GOSR1: variants seen among roughly 807,000 people sequenced by gnomAD.
GOSR1 encodes the protein 28 kDa Golgi SNARE protein.
In GOSR1, 21 loss-of-function variants were observed where a neutral mutation model predicts 35.5. That is an observed-to-expected ratio of 0.59 (90% CI 0.42 to 0.85). The LOEUF is 0.85. GOSR1 is among the 40% of genes least tolerant of loss of function. The pLI is 0.00. For missense variants in GOSR1, 285 were observed against 309.6 expected (o/e 0.92, Z 0.60); for synonymous variants, 94 against 106.6 (o/e 0.88, Z 0.73).
rs747623876 is a variant in GOSR1, at chr17:30,492,706, C to T, written c.462C>T (p.Asn154=). 6.2e-7 allele frequency: 1 copy of T among 1,602,900 alleles called. No individual in the cohort carries two copies. The highest frequency in any genetic ancestry group is 8.5e-7 in the Non-Finnish European group (1 of 1,170,546). ...IESYKSGSGV[N]NRRTELFLKE... ...CATATAAAAGTGGGTCTGGAGTAAACAACAGAAGAACTGAGCTATTTTTGA... is the reference window on the plus strand; with the variant it reads ...CATATAAAAGTGGGTCTGGAGTAAATAACAGAAGAACTGAGCTATTTTTGA... Residue 154 remains asparagine, a synonymous_variant, in exon 6 of 9, where the codon AAC becomes AAT. Transcript: ENST00000451249.
rs180793478 is a variant in GOSR1, at chr17:30,497,600, C to T, written c.509+4847C>T. On this transcript the variant is annotated intron_variant, in intron 6 of 8. Transcript: ENST00000451249. ...ATGGAGTAGACGAATTCTAAAATTA[C>T]ATTGAGCCATTTTGCCTATAGTGGT... is the stretch of plus-strand genomic sequence containing the variant. 2.6e-5 allele frequency among the ~76,000 whole-genome samples: 4 copies of T among 152,308 alleles called. No homozygotes were observed. In the East Asian group the frequency reaches 7.7e-4, roughly 29 times the overall value.
chr17:30,497,335 A>G (rs1280918826), intron 6 of GOSR1, among the ~76,000 whole-genome samples: 1 of 152,172 alleles, frequency 6.6e-6, no homozygotes, highest in Non-Finnish European at 1.5e-5. Flanking sequence ...TCTGACTAAG[A>G]TACCTTAAGT....
chr17:30,500,798 C>T lies in GOSR1; in HGVS notation c.509+8045C>T, dbSNP rs372384136. 4.9e-4 allele frequency among the ~76,000 whole-genome samples: 75 copies of T among 152,190 alleles called. 1 individual carries two copies. Among genetic ancestry groups the T allele is most frequent in the African/African-American group, 1.6e-3 (67 of 41,526 alleles). On this transcript the variant is annotated intron_variant, in intron 6 of 8. Coordinates refer to ENST00000451249, the MANE Select transcript of GOSR1 (RefSeq NM_001007025.2). The stretch of plus-strand genomic sequence containing the variant: ...ATAAGATTATATTGAATCTAGAGAT[C>T]CATTTGGAGAGAATTGACATCTTAA...
At chr17:30,519,644 GA>G (rs765016065) in intron 7 of GOSR1, 10 of 227,706 alleles carry the variant, frequency 4.4e-5, no homozygotes, top group Non-Finnish European at 8.4e-5. Flanking sequence ...TAAATTTTAA[GA>G]AGCTTTTGTA....
intron 7 of GOSR1, among the ~76,000 whole-genome samples, chr17:30,511,850 G>C (rs1461618087): frequency 6.6e-6 from 1 of 152,010 alleles, no homozygotes; most frequent in African/African-American, 2.4e-5. Context: ...TTCTTACCAT[G>C]GATATTGGAC....
At chr17:30,501,169 C>T (rs967851557) in intron 6 of GOSR1, among the ~76,000 whole-genome samples, 4 of 152,020 alleles carry the variant, frequency 2.6e-5, no homozygotes, top group South Asian at 2.1e-4. Context: ...CGTGAGCCAC[C>T]GCGCCCGGCC....
intron 1 of GOSR1, chr17:30,478,623 C>T (rs547858102): frequency 1.4e-5 from 2 of 140,984 alleles, no homozygotes; most frequent in Non-Finnish European, 3.0e-5. Context: ...CGCTATCGAT[C>T]TCGGCTCACT....
At position 30,523,612 on chromosome 17, in the gene GOSR1, C is replaced by A. The variant is rs1434340052; in HGVS notation, c.*1234C>A. The A allele has an allele frequency of 6.3e-6, 1 of 158,464 alleles. No homozygotes were observed. Among genetic ancestry groups the A allele is most frequent in the Non-Finnish European group, 1.4e-5 (1 of 73,340 alleles). The allele number at this position is 158,464 out of a possible 1,614,324, so 9.8% of individuals were successfully genotyped here. On this transcript the variant is annotated 3_prime_UTR_variant, in exon 9 of 9. Coordinates refer to ENST00000451249, the MANE Select transcript of GOSR1 (RefSeq NM_001007025.2). ...CCCCCGCCCGGCCAGCCGCCCCGTC[C>A]GGGAGGGAGGTGGGGGGCGCCTCTG...
intron 7 of GOSR1, among the ~76,000 whole-genome samples, chr17:30,518,994 A>C (rs1169488564): frequency 6.6e-6 from 1 of 151,630 alleles, no homozygotes; most frequent in African/African-American, 2.4e-5. Context: ...GATCTTTTAA[A>C]CAGGACATCA....
chr17:30,493,438 T>C (rs1400819974), intron 6 of GOSR1, among the ~76,000 whole-genome samples: 7 of 152,228 alleles, frequency 4.6e-5, no homozygotes, highest in African/African-American at 4.8e-5. Context: ...CACAAGCTTC[T>C]AAATACTTCT....
chr17:30,481,237 C>G lies in GOSR1; in HGVS notation c.126C>G (p.Thr42=). The G allele has an allele frequency of 6.2e-7, 1 of 1,607,410 alleles. No individual in the cohort carries two copies. The highest frequency in any genetic ancestry group is 1.1e-5 in the South Asian group (1 of 90,934). Residue 42 remains threonine (T), a synonymous_variant, in exon 2 of 9, where the codon ACC becomes ACG. Coordinates refer to ENST00000451249, the MANE Select transcript of GOSR1 (RefSeq NM_001007025.2). ...KLCTSYSHSS[T]RDGRRDSSDT... ...GTACAAGTTACAGTCATAGCAGTAC[C>G]CGAGATGGAAGACGCGACAGGTATA... is the stretch of plus-strand genomic sequence containing the variant.
chr17:30,514,948 T>C (rs572065000), intron 7 of GOSR1, among the ~76,000 whole-genome samples: 127 of 152,372 alleles, frequency 8.3e-4, no homozygotes, highest in Non-Finnish European at 1.6e-3. Context: ...TAGTAATCTT[T>C]TATCTCTCTG....
At chr17:30,516,035 A>G (rs960666760) in intron 7 of GOSR1, among the ~76,000 whole-genome samples, 2 of 152,220 alleles carry the variant, frequency 1.3e-5, no homozygotes, top group African/African-American at 2.4e-5. Context: ...TTGTGTGTGT[A>G]GCTTCAAATG....
In GOSR1 at chr17:30,523,756, C is replaced by T. The variant is rs549786942; in HGVS notation, c.*1378C>T. 29 of 202,012 alleles carry T rather than the reference C, an allele frequency of 1.4e-4. No individual in the cohort carries two copies. In the South Asian group the frequency reaches 2.2e-3, roughly 15 times the overall value. The allele number at this position is 202,012 out of a possible 1,614,324, so 12.5% of individuals were successfully genotyped here. On this transcript the variant is annotated 3_prime_UTR_variant, in exon 9 of 9. Coordinates refer to ENST00000451249, the MANE Select transcript of GOSR1 (RefSeq NM_001007025.2). Reference sequence around the variant, plus strand: ...TGAGAACGGGCCATGATGACAATGGCGGTTTTGTGGAATAGAAAAGGCGGA... The same window carrying T: ...TGAGAACGGGCCATGATGACAATGGTGGTTTTGTGGAATAGAAAAGGCGGA...
intron 6 of GOSR1, among the ~76,000 whole-genome samples, chr17:30,497,968 G>C (rs1967059094): frequency 6.7e-6 from 1 of 149,434 alleles, no homozygotes; most frequent in African/African-American, 2.5e-5. Context: ...TGAGGCAGGA[G>C]AATTGCTTGA....
chr17:30,521,674 A>G (rs1435728746), intron 8 of GOSR1, among the ~76,000 whole-genome samples: 1 of 152,132 alleles, frequency 6.6e-6, no homozygotes, highest in Non-Finnish European at 1.5e-5. Flanking sequence ...TCTGCTGCGA[A>G]GTAACTTTGA....
rs1321884756 is a variant in GOSR1, at chr17:30,522,537, G to A, written c.*159G>A. Reference sequence around the variant, plus strand: ...GGACTCTGTGACATGGTCAGGTTGAGCTGAAGCCACAGTTTCTCTGTGCTG... The same window carrying A: ...GGACTCTGTGACATGGTCAGGTTGAACTGAAGCCACAGTTTCTCTGTGCTG... On this transcript the variant is annotated 3_prime_UTR_variant, in exon 9 of 9. Coordinates refer to ENST00000451249, the MANE Select transcript of GOSR1 (RefSeq NM_001007025.2). The A allele has an allele frequency of 2.1e-6, 1 of 479,260 alleles. No individual in the cohort carries two copies. The highest frequency in any genetic ancestry group is 2.0e-5 in the African/African-American group (1 of 50,348). 29.7% of individuals were successfully genotyped at this position (479,260 alleles called of 1,614,324 possible).
intron 2 of GOSR1, among the ~76,000 whole-genome samples, chr17:30,483,338 T>G (rs1218516099): frequency 6.6e-6 from 1 of 152,182 alleles, no homozygotes; most frequent in African/African-American, 2.4e-5. Context: ...TCGTGTTCAT[T>G]CATTTATTCA....
intron 1 of GOSR1, chr17:30,477,750 G>A (rs1914039319): frequency 6.1e-6 from 6 of 985,284 alleles, no homozygotes; most frequent in Non-Finnish European, 7.2e-6. Context: ...GGGTAGAATT[G>A]TGTTGAGGGA....
Sources: gnomAD v4.1 joint callset for allele counts (sites outside exome capture counted in the v4.1 genomes callset) on GRCh38, gnomAD v4.1.1 for gene constraint, MANE v1.5 for transcripts, NCBI Gene and HGNC (gene_info 2026-07-23, HGNC 2026-07-21) for gene names.